Variants in TGIF2 observed in about 807,000 individuals in gnomAD.
TGIF2 encodes the protein TGFB induced factor homeobox 2, also known as homeobox protein TGIF2.
Under a neutral mutation model 15.1 loss-of-function variants are expected in TGIF2, and 5 were observed. That is an observed-to-expected ratio of 0.33 (90% CI 0.17 to 0.70). TGIF2 has a LOEUF of 0.70. Ranked by LOEUF, TGIF2 falls within the 30% of genes least tolerant of loss-of-function variation. The pLI is 0.67. For synonymous variants in TGIF2, 131 were observed against 128.9 expected (o/e 1.02, Z -0.11); for missense variants, 264 against 302.5 (o/e 0.87, Z 0.94).
chr20:36,583,269 CAAA>C (rs113049516), intron 2 of TGIF2, among the ~76,000 whole-genome samples: 65 of 132,750 alleles, frequency 4.9e-4, no homozygotes, highest in Non-Finnish European at 9.9e-4. Context: ...AAAACTGTCT[CAAA>C]AAAAAAAAAC....
intron 1 of TGIF2, among the ~76,000 whole-genome samples, chr20:36,576,149 A>G (rs1460437332): frequency 6.6e-6 from 1 of 152,208 alleles, no homozygotes; most frequent in East Asian, 1.9e-4. Context: ...TGTGAAACAG[A>G]ACTTTGTCCA....
At position 36,590,937 on chromosome 20, in the gene TGIF2, C is replaced by T. The variant is rs755761646; in HGVS notation, c.220C>T (p.Arg74Trp). The T allele has an allele frequency of 1.3e-6, 2 of 1,517,872 alleles. No individual in the cohort carries two copies. The highest frequency in any genetic ancestry group is 8.8e-7 in the Non-Finnish European group (1 of 1,131,254). The allele number at this position is 1,517,872 out of a possible 1,614,324, so 94.0% of individuals were successfully genotyped here. A position where few individuals can be genotyped will look rare whatever the true frequency, so the allele number is the denominator to read the frequency against. Residue 74 changes from arginine (R) to tryptophan (W), a missense_variant, in exon 3 of 3, where the codon CGG becomes TGG. Arg to Trp is a moderately radical substitution (Grantham distance 101). Transcript: ENST00000373872. ...QICNWFINARRRLLPDMLRKD... is the reference protein window; with the variant it reads ...QICNWFINARWRLLPDMLRKD... ...ATGTAACTGGTTCATCAATGCCCGG[C>T]GGCGGCTTCTCCCAGACATGCTTCG...
Position 36,591,428 on chromosome 20 carries a change from G to A in TGIF2, c.711G>A (p.Gln237=), listed in dbSNP as rs774253879. ...TCCCTTTAGTCTCTGAAAATCCCCA[G>A]TAGGCATCTGCCAAGAAGGGTGCTG... is the stretch of plus-strand genomic sequence containing the variant. ...TPIPLVSENP[Q] The change falls in exon 3 of 3, where the codon CAG becomes CAA. Residue 237 remains glutamine, a synonymous_variant. Transcript: ENST00000373872. The surrounding 1 kb of genome is among the most constrained non-coding windows in gnomAD (Gnocchi z 5.3). 3.1e-6 allele frequency: 5 copies of A among 1,602,660 alleles called. No homozygotes were observed. In the South Asian group the frequency reaches 5.5e-5, roughly 18 times the overall value.
chr20:36,574,381 G>A (rs1184933553), intron 1 of TGIF2, among the ~76,000 whole-genome samples: 1 of 149,438 alleles, frequency 6.7e-6, no homozygotes, highest in Non-Finnish European at 1.5e-5. Flanking sequence ...GCCTCCCGCG[G>A]GAGAAGCGCG....
chr20:36,574,511 GCCCAGTT>G (rs887279073), intron 1 of TGIF2: 4 of 151,696 alleles, frequency 2.6e-5, no homozygotes, highest in Middle Eastern at 3.4e-3. Flanking sequence ...CCCCCTCCGG[GCCCAGTT>G]CGGAGCACAA....
At chr20:36,583,890 CTG>C (rs2038597810) in intron 2 of TGIF2, among the ~76,000 whole-genome samples, 1 of 151,876 alleles carries the variant, frequency 6.6e-6, no homozygotes, top group Non-Finnish European at 1.5e-5. Flanking sequence ...GACTGAGACT[CTG>C]TCTCAAAAAA....
rs754303349 is a variant in TGIF2, at chr20:36,578,780, G to C, written c.6G>C (p.Ser2=). 1 of 1,611,478 alleles carries C rather than the reference G, an allele frequency of 6.2e-7. No individual in the cohort carries two copies. The highest frequency in any genetic ancestry group is 1.7e-5 in the Admixed American group (1 of 59,860). ...CAGCCTAGCCCCTAGGCACCATGTC[G>C]GACAGTGATCTAGGTGAGGACGAAG... The part of the protein sequence containing the change: M[S]DSDLGEDEGL... The change falls in exon 2 of 3, where the codon TCG becomes TCC. Residue 2 remains serine, a synonymous_variant. Transcript: ENST00000373872.
chr20:36,583,347 C>T (rs1314615708), intron 2 of TGIF2, among the ~76,000 whole-genome samples: 1 of 151,532 alleles, frequency 6.6e-6, no homozygotes, highest in Non-Finnish European at 1.5e-5. Flanking sequence ...AATCCCAGCA[C>T]TTTGGGAGGC....
chr20:36,589,540 G>A (rs866412508), intron 2 of TGIF2, among the ~76,000 whole-genome samples: 2 of 151,544 alleles, frequency 1.3e-5, no homozygotes, highest in Non-Finnish European at 1.5e-5. Flanking sequence ...CTACAGGCGC[G>A]TGCCACCACA....
intron 2 of TGIF2, among the ~76,000 whole-genome samples, chr20:36,589,877 C>T (rs1177247986): frequency 6.6e-6 from 1 of 152,112 alleles, no homozygotes. Context: ...TTTGTAGACA[C>T]AGGGTTTTGC....
rs1218044319 is a variant in TGIF2, at chr20:36,592,665, A to G, written c.*1234A>G. On this transcript the variant is annotated 3_prime_UTR_variant, in exon 3 of 3. Coordinates refer to ENST00000373872, the MANE Select transcript of TGIF2 (RefSeq NM_021809.7). ...GCCTTCAGAGAAGGTGGGGCTGGAA[A>G]AGGGTTAGAAGCCTCCTAGCTGGGA... is the stretch of plus-strand genomic sequence containing the variant. The G allele has an allele frequency of 6.6e-6, 1 of 152,366 alleles. No homozygotes were observed. The highest frequency in any genetic ancestry group is 1.5e-5 in the Non-Finnish European group (1 of 68,054). 9.4% of individuals were successfully genotyped at this position (152,366 alleles called of 1,614,324 possible).
At position 36,591,210 on chromosome 20, in the gene TGIF2, A is replaced by T. The variant is rs747681981; in HGVS notation, c.493A>T (p.Thr165Ser). 11 of 1,614,072 alleles carry T rather than the reference A, an allele frequency of 6.8e-6. No individual in the cohort carries two copies. The highest frequency in any genetic ancestry group is 9.3e-6 in the Non-Finnish European group (11 of 1,179,972). ...CCTGGTGACCCCTGGTAGCACACTT[A>T]CTCTGCTGACCAGGGCTGAGGCTGG... ...KPLVTPGSTL[T>S]LLTRAEAGSP... is the part of the protein sequence containing the mutation. Residue 165 changes from threonine (T) to serine (S), a missense_variant, in exon 3 of 3, where the codon ACT (threonine) becomes TCT (serine). Thr to Ser is a moderately conservative substitution (Grantham distance 58, BLOSUM62 1). Coordinates refer to ENST00000373872, the MANE Select transcript of TGIF2 (RefSeq NM_021809.7). The surrounding 1 kb of genome is among the most constrained non-coding windows in gnomAD (Gnocchi z 5.3).
chr20:36,585,586 T>G (rs1002325241), intron 2 of TGIF2, among the ~76,000 whole-genome samples: 1 of 152,220 alleles, frequency 6.6e-6, no homozygotes, highest in South Asian at 2.1e-4. Flanking sequence ...TATCTCTCCC[T>G]GGGGACATCT....
chr20:36,578,910 C>T lies in TGIF2; in HGVS notation c.136C>T (p.Pro46Ser). The T allele has an allele frequency of 1.2e-6, 2 of 1,614,178 alleles. No individual in the cohort carries two copies. Among genetic ancestry groups the T allele is most frequent in the Non-Finnish European group, 1.7e-6 (2 of 1,180,042 alleles). ...GTACTTGCACCGCTACAACGCCTAC[C>T]CCTCAGAGCAGGAGAAGCTGAGCCT... ...WLYLHRYNAYPSEQEKLSLSG... is the reference protein window; with the variant it reads ...WLYLHRYNAYSSEQEKLSLSG... Residue 46 changes from proline (P) to serine (S), a missense_variant, in exon 2 of 3, where the codon CCC (proline) becomes TCC (serine). Pro to Ser is a moderately conservative substitution (Grantham distance 74). Transcript: ENST00000373872.
intron 1 of TGIF2, among the ~76,000 whole-genome samples, chr20:36,575,551 C>G (rs2038410919): frequency 6.6e-6 from 1 of 152,198 alleles, no homozygotes; most frequent in Non-Finnish European, 1.5e-5. Flanking sequence ...TGCAGTGGTG[C>G]TCTCTGAGGA....
At position 36,590,968 on chromosome 20, in the gene TGIF2, A is replaced by C; in HGVS notation, c.251A>C (p.Asp84Ala). 1 of 1,540,600 alleles carries C rather than the reference A, an allele frequency of 6.5e-7. No individual in the cohort carries two copies. Among genetic ancestry groups the C allele is most frequent in the Non-Finnish European group, 8.8e-7 (1 of 1,140,742 alleles). ...RRLLPDMLRK[D>A]GKDPNQFTIS... is the part of the protein sequence containing the mutation. ...CTTCTCCCAGACATGCTTCGGAAGGATGGCAAAGACCCTAATCAGTTTACC... is the reference window on the plus strand; with the variant it reads ...CTTCTCCCAGACATGCTTCGGAAGGCTGGCAAAGACCCTAATCAGTTTACC... Residue 84 changes from aspartate (D) to alanine (A), a missense_variant, in exon 3 of 3, where the codon GAT (aspartate) becomes GCT (alanine). Coordinates refer to ENST00000373872, the MANE Select transcript of TGIF2 (RefSeq NM_021809.7).
intron 1 of TGIF2, among the ~76,000 whole-genome samples, chr20:36,577,279 A>G (rs1438461972): frequency 1.3e-5 from 2 of 151,892 alleles, no homozygotes; most frequent in Non-Finnish European, 2.9e-5. Flanking sequence ...AGCTCACTGC[A>G]ACCTCTGCCT....
At chr20:36,574,382 G>A (rs1469184473) in intron 1 of TGIF2, among the ~76,000 whole-genome samples, 1 of 146,502 alleles carries the variant, frequency 6.8e-6, no homozygotes, top group Non-Finnish European at 1.5e-5. Flanking sequence ...CCTCCCGCGG[G>A]AGAAGCGCGT....
At chr20:36,577,097 T>TG (rs1294993020) in intron 1 of TGIF2, among the ~76,000 whole-genome samples, 5 of 152,158 alleles carry the variant, frequency 3.3e-5, no homozygotes, top group Non-Finnish European at 7.4e-5. Flanking sequence ...ACTACAGCCT[T>TG]GAACTCCTGG....
Sources: gnomAD v4.1 joint callset for allele counts (sites outside exome capture counted in the v4.1 genomes callset) on GRCh38, gnomAD v4.1.1 for gene constraint, Gnocchi (gnomAD v3.1) non-coding constraint, MANE v1.5 for transcripts, NCBI Gene and HGNC (gene_info 2026-07-23, HGNC 2026-07-21) for gene names.